The following PHF7 variants were observed in gnomAD, a reference collection of about 807,000 sequenced individuals.
PHF7 encodes the protein E3 ubiquitin-protein ligase PHF7.
In PHF7, 24 loss-of-function variants were observed where a neutral mutation model predicts 47.5. The ratio of observed to expected loss-of-function variants is 0.51; its 90% CI spans 0.37 to 0.71. PHF7 has a LOEUF of 0.71. PHF7 is among the 30% of genes least tolerant of loss of function. The pLI is 0.00. For missense variants in PHF7, 361 were observed against 456.8 expected (o/e 0.79, Z 1.91); for synonymous variants, 156 against 153.8 (o/e 1.01, Z -0.11).
intron 4 of PHF7, among the ~76,000 whole-genome samples, chr3:52,415,002 AG>A (rs1333361711): frequency 6.6e-6 from 1 of 152,158 alleles, no homozygotes; most frequent in African/African-American, 2.4e-5. Context: ...CCTCAAAAAA[AG>A]AAAAATATAT....
At chr3:52,421,847 G>C (rs998906940) in intron 8 of PHF7, 93 bp downstream of exon 8, 4 of 724,268 alleles carry the variant, frequency 5.5e-6, no homozygotes, top group Non-Finnish European at 1.0e-5. Flanking sequence ...CAGAGAATGA[G>C]AGCAGCAGAG....
chr3:52,423,206 T>C lies in PHF7; in HGVS notation c.1035T>C (p.Asp345=). ...LEENPGLSWT[D]WPEPSLLEKP... ...AGAATCCGGGCCTTTCTTGGACTGA[T>C]TGGCCAGAACCTTCCTTATTAGAAA... Residue 345 remains aspartate (D), a synonymous_variant, in exon 11 of 11, where the codon GAT becomes GAC. Coordinates refer to ENST00000327906, the MANE Select transcript of PHF7 (RefSeq NM_016483.7). 6.2e-7 allele frequency: 1 copy of C among 1,613,962 alleles called. No homozygotes were observed. The highest frequency in any genetic ancestry group is 8.5e-7 in the Non-Finnish European group (1 of 1,179,800).
At position 52,421,805 on chromosome 3, in the gene PHF7, T is replaced by C. The variant is rs1705799747; in HGVS notation, c.680+51T>C. 13 of 944,226 alleles carry C rather than the reference T, an allele frequency of 1.4e-5. No individual in the cohort carries two copies. In the East Asian group the frequency reaches 3.2e-4, roughly 23 times the overall value. The allele number at this position is 944,226 out of a possible 1,614,324, so 58.5% of individuals were successfully genotyped here. ...TGAGCCAGGGAGTGGGTTGCCTAGA[T>C]TTCTAGAGAGGAGGTGAGTGAGAGG... On this transcript the variant is annotated intron_variant, in intron 8 of 10. Transcript: ENST00000327906.
At chr3:52,422,425 C>A in intron 9 of PHF7, 87 bp downstream of exon 9, 1 of 899,592 alleles carries the variant, frequency 1.1e-6, no homozygotes. Context: ...GTAAGAAATT[C>A]ACTCTTGTAT....
At position 52,414,518 on chromosome 3, in the gene PHF7, A is replaced by G. The variant is rs747321413; in HGVS notation, c.117A>G (p.Glu39=). 21 of 1,611,734 alleles carry G rather than the reference A, an allele frequency of 1.3e-5. No homozygotes were observed. In the South Asian group the frequency reaches 1.9e-4, roughly 14 times the overall value. ...SGPVCWLCLR[E]PGDPEKLGEF... ...CAGTTTGCTGGCTATGCCTTCGAGA[A>G]CCTGGGGATCCCGAAAAATTAGGGG... The change falls in exon 4 of 11, where the codon GAA becomes GAG. Residue 39 remains glutamate, a synonymous_variant. Transcript: ENST00000327906.
chr3:52,419,430 T>C, intron 4 of PHF7, among the ~76,000 whole-genome samples: 1 of 143,448 alleles, frequency 7.0e-6, no homozygotes, highest in Non-Finnish European at 1.6e-5. Flanking sequence ...AGCTCTGTTC[T>C]TTTTTTTTTT....
At chr3:52,412,558 CACTT>C (rs960328250) in intron 1 of PHF7, among the ~76,000 whole-genome samples, 5 of 152,198 alleles carry the variant, frequency 3.3e-5, no homozygotes, top group African/African-American at 4.8e-5. Flanking sequence ...CCATCTATAT[CACTT>C]ACTAACTCTT....
chr3:52,423,381 G>A lies in PHF7; in HGVS notation c.*64G>A, dbSNP rs984069569. The A allele has an allele frequency of 8.6e-6, 9 of 1,051,324 alleles. 1 individual carries two copies. The Middle Eastern group carries it at 1.2e-3, about 137-fold the overall frequency. 65.1% of individuals were successfully genotyped at this position (1,051,324 alleles called of 1,614,324 possible). A position where few individuals can be genotyped will look rare whatever the true frequency, so the allele number is the denominator to read the frequency against. The stretch of plus-strand genomic sequence containing the variant: ...GAAGCTGCGCTCCTCCATCGGGTTT[G>A]GGGAGGGAGCACTCTGGGACTGTGA... On this transcript the variant is annotated 3_prime_UTR_variant, in exon 11 of 11. Coordinates refer to ENST00000327906, the MANE Select transcript of PHF7 (RefSeq NM_016483.7).
chr3:52,420,872 A>G, intron 6 of PHF7, 31 bp from the exon 7 acceptor site: 2 of 1,584,498 alleles, frequency 1.3e-6, no homozygotes, highest in Non-Finnish European at 1.7e-6. Flanking sequence ...TCAATGACAA[A>G]CCAGAAACCA....
At chr3:52,419,570 A>G (rs959975565) in intron 4 of PHF7, among the ~76,000 whole-genome samples, 2 of 151,864 alleles carry the variant, frequency 1.3e-5, no homozygotes, top group African/African-American at 4.8e-5. Flanking sequence ...AGCTGGGACT[A>G]CAGGTGCGTG....
intron 4 of PHF7, among the ~76,000 whole-genome samples, chr3:52,419,031 C>G (rs932276551): frequency 3.9e-5 from 6 of 152,144 alleles, no homozygotes; most frequent in Admixed American, 1.3e-4. Context: ...TCTCGAACTC[C>G]TGACCTCAGA....
rs776867060 is a variant in PHF7, at chr3:52,421,022, C to T, written c.533C>T (p.Pro178Leu). 120 of 1,612,812 alleles carry T rather than the reference C, an allele frequency of 7.4e-5. 1 individual carries two copies. Among genetic ancestry groups the T allele is most frequent in the South Asian group, 2.5e-4 (23 of 90,956 alleles). The change falls in exon 7 of 11, where the codon CCG (proline) becomes CTG (leucine). Residue 178 changes from proline (P) to leucine (L), a missense_variant. Physicochemically the swap from Pro to Leu is moderately conservative, Grantham distance 98. Transcript: ENST00000327906. ...SQQSVENIQS[P>L]CCSQAIYHRK... ...CAGAGTGTTGAGAACATCCAGAGCCCGTGTTGTAGTCAAGCCATCTACCAC... is the reference window on the plus strand; with the variant it reads ...CAGAGTGTTGAGAACATCCAGAGCCTGTGTTGTAGTCAAGCCATCTACCAC...
chr3:52,411,287 A>G (rs1430497193), intron 1 of PHF7, 40 bp downstream of exon 1: 1 of 152,268 alleles, frequency 6.6e-6, no homozygotes, highest in African/African-American at 2.4e-5. Context: ...TAGCCCCAGT[A>G]ACTGGGAACT....
At chr3:52,417,027 T>C (rs1011159440) in intron 4 of PHF7, among the ~76,000 whole-genome samples, 1 of 460 alleles carries the variant, frequency 2.2e-3, no homozygotes, top group Non-Finnish European at 3.9e-3. Flanking sequence ...GTTTATCCAT[T>C]TTTTTCTTTT....
chr3:52,412,753 G>C, intron 1 of PHF7, 58 bp from the exon 2 acceptor site: 1 of 759,144 alleles, frequency 1.3e-6, no homozygotes, highest in Non-Finnish European at 2.2e-6. Context: ...TGACCCTGGG[G>C]AACTTGATAA....
rs1325218522 is a variant in PHF7 at position 52,410,723 on chromosome 3, C to T, written c.-594C>T. On this transcript the variant is annotated 5_prime_UTR_variant, in exon 1 of 11. Coordinates refer to ENST00000327906, the MANE Select transcript of PHF7 (RefSeq NM_016483.7). ...CGGAGGTAGCTACCACGGCCTGTGT[C>T]AACGACTAAAGCTCCAGTACAGCGG... 6.6e-6 allele frequency: 1 copy of T among 152,608 alleles called. No individual in the cohort carries two copies. The allele number at this position is 152,608 out of a possible 1,614,324, so 9.5% of individuals were successfully genotyped here. A position where few individuals can be genotyped will look rare whatever the true frequency, so the allele number is the denominator to read the frequency against.
rs1340903450 is a variant in PHF7 at position 52,410,888 on chromosome 3, C to G, written c.-429C>G. 6.6e-6 allele frequency: 1 copy of G among 152,310 alleles called. No individual in the cohort carries two copies. The highest frequency in any genetic ancestry group is 1.5e-5 in the Non-Finnish European group (1 of 68,068). The allele number at this position is 152,310 out of a possible 1,614,324, so 9.4% of individuals were successfully genotyped here. On this transcript the variant is annotated 5_prime_UTR_variant, in exon 1 of 11. Coordinates refer to ENST00000327906, the MANE Select transcript of PHF7 (RefSeq NM_016483.7). ...CGCGACATGAGCCTGGTCTGGCATC[C>G]GCGGGATGCTCCTTAAGCCCCTTCT...
chr3:52,419,742 C>A, intron 4 of PHF7, 91 bp from the exon 5 acceptor site: 1 of 801,388 alleles, frequency 1.2e-6, no homozygotes, highest in Non-Finnish European at 2.2e-6. Context: ...AAGCTCTATT[C>A]TTTAGCTCTC....
At chr3:52,415,940 A>G (rs927210083) in intron 4 of PHF7, among the ~76,000 whole-genome samples, 4 of 152,178 alleles carry the variant, frequency 2.6e-5, no homozygotes, top group Admixed American at 2.0e-4. Flanking sequence ...TAGATATTTA[A>G]CTTTATGTGA....
Sources: gnomAD v4.1 joint callset for allele counts (sites outside exome capture counted in the v4.1 genomes callset) on GRCh38, gnomAD v4.1.1 for gene constraint, MANE v1.5 for transcripts, NCBI Gene and HGNC (gene_info 2026-07-23, HGNC 2026-07-21) for gene names.